The following LRRC4C variants were observed in gnomAD, a reference collection of about 807,000 sequenced individuals.
LRRC4C encodes the protein leucine rich repeat containing 4C.
A neutral mutation model predicts 33.6 loss-of-function variants in LRRC4C; 5 were observed. That is an observed-to-expected ratio of 0.15 (90% CI 0.08 to 0.31). The LOEUF is 0.31. Ranked by LOEUF, LRRC4C falls within the 10% of genes least tolerant of loss-of-function variation. LRRC4C has a pLI of 1.00. For missense variants in LRRC4C, 560 were observed against 796.7 expected, an observed-to-expected ratio of 0.70 and a Z score of 3.58; for synonymous variants, 329 against 302.0, an observed-to-expected ratio of 1.09 and a Z score of -0.93.
At chr11:41,083,927 G>A (rs1005021534) in intron 1 of LRRC4C, among the ~76,000 whole-genome samples, 1 of 152,208 alleles carries the variant, frequency 6.6e-6, no homozygotes, top group Non-Finnish European at 1.5e-5. Context: ...GATGTCACAT[G>A]CTTTTGATAT....
At chr11:41,270,793 A>G (rs190262295) in intron 1 of LRRC4C, among the ~76,000 whole-genome samples, 4 of 152,250 alleles carry the variant, frequency 2.6e-5, no homozygotes, top group East Asian at 1.9e-4. Context: ...TATCAAAAAC[A>G]TCAGAAATGT....
At chr11:40,622,495 G>T (rs1221614676) in intron 3 of LRRC4C, among the ~76,000 whole-genome samples, 1 of 151,856 alleles carries the variant, frequency 6.6e-6, no homozygotes, top group Non-Finnish European at 1.5e-5. Flanking sequence ...AAGAAGACTG[G>T]TTGAGAAAGA....
At chr11:40,731,532 AC>A (rs1947584619) in intron 2 of LRRC4C, among the ~76,000 whole-genome samples, 2 of 152,116 alleles carry the variant, frequency 1.3e-5, no homozygotes, top group Non-Finnish European at 2.9e-5. Flanking sequence ...TTTATAAATT[AC>A]CCAGTCTCAG....
At chr11:40,332,496 C>A (rs1440613469) in intron 3 of LRRC4C, among the ~76,000 whole-genome samples, 1 of 152,178 alleles carries the variant, frequency 6.6e-6, no homozygotes, top group Non-Finnish European at 1.5e-5. Context: ...GGTAACATAA[C>A]TACCAGGGCT....
At chr11:41,097,741 G>A (rs1940903674) in intron 1 of LRRC4C, among the ~76,000 whole-genome samples, 1 of 152,012 alleles carries the variant, frequency 6.6e-6, no homozygotes, top group African/African-American at 2.4e-5. Context: ...TCTTGAGGAT[G>A]GTAACAAAGT....
chr11:41,246,201 G>A (rs1018525060), intron 1 of LRRC4C, among the ~76,000 whole-genome samples: 8 of 152,210 alleles, frequency 5.3e-5, no homozygotes, highest in East Asian at 1.9e-4. Context: ...TTGCCAAGCC[G>A]CCCTTATCCC....
rs1345594993 is a variant in LRRC4C, at chr11:41,291,075, C to G, written c.-496+168356G>C. ...AAAATTAAAATAAATTTTCCTCTATCAAAACATGTGCATGTGCAAGAGAAA... is the reference window on the plus strand; with the variant it reads ...AAAATTAAAATAAATTTTCCTCTATGAAAACATGTGCATGTGCAAGAGAAA... On this transcript the variant is annotated intron_variant, in intron 1 of 6. Coordinates refer to ENST00000528697, the MANE Select transcript of LRRC4C (RefSeq NM_001258419.2). Among the ~76,000 whole-genome samples the G allele has an allele frequency of 2.0e-5, 3 of 152,142 alleles. No homozygotes were observed. In the East Asian group the frequency reaches 5.8e-4, roughly 29 times the overall value.
intron 3 of LRRC4C, among the ~76,000 whole-genome samples, chr11:40,430,559 A>G (rs1950881362): frequency 1.3e-5 from 2 of 152,176 alleles, no homozygotes; most frequent in East Asian, 1.9e-4. Flanking sequence ...TTGTCTTCCT[A>G]AAGGAATAGA....
chr11:40,169,006 C>T (rs1859829591), intron 5 of LRRC4C, among the ~76,000 whole-genome samples: 1 of 152,066 alleles, frequency 6.6e-6, no homozygotes, highest in South Asian at 2.1e-4. Flanking sequence ...CTAATTATTG[C>T]ATAAGCAATT....
chr11:41,369,685 G>C (rs372327822), intron 1 of LRRC4C, among the ~76,000 whole-genome samples: 6 of 152,312 alleles, frequency 3.9e-5, no homozygotes, highest in Middle Eastern at 3.4e-3. Flanking sequence ...ACTGGTTGAT[G>C]ATGAGGTTGA....
At chr11:40,592,210 A>G (rs1736921480) in intron 3 of LRRC4C, among the ~76,000 whole-genome samples, 1 of 152,224 alleles carries the variant, frequency 6.6e-6, no homozygotes, top group South Asian at 2.1e-4. Context: ...GGTGCTATAA[A>G]GTACAGAGTG....
At chr11:41,265,138 A>G (rs1949106682) in intron 1 of LRRC4C, among the ~76,000 whole-genome samples, 1 of 152,192 alleles carries the variant, frequency 6.6e-6, no homozygotes, top group African/African-American at 2.4e-5. Flanking sequence ...TAAACACCTT[A>G]AAGTAGGAAT....
At chr11:40,523,973 G>C (rs560193231) in intron 3 of LRRC4C, among the ~76,000 whole-genome samples, 1 of 151,870 alleles carries the variant, frequency 6.6e-6, no homozygotes, top group African/African-American at 2.4e-5. Context: ...ATTTTTCTTC[G>C]CAAATAAAAC....
At chr11:41,163,906 C>T (rs1944597740) in intron 1 of LRRC4C, among the ~76,000 whole-genome samples, 1 of 152,146 alleles carries the variant, frequency 6.6e-6, no homozygotes, top group Non-Finnish European at 1.5e-5. Flanking sequence ...GATGCTGCAC[C>T]TGGCCACTAC....
intron 1 of LRRC4C, among the ~76,000 whole-genome samples, chr11:41,124,367 T>A (rs1013577228): frequency 2.6e-5 from 4 of 152,204 alleles, no homozygotes; most frequent in African/African-American, 9.6e-5. Context: ...CAAGTACTTT[T>A]CAGTAAAAAA....
intron 2 of LRRC4C, among the ~76,000 whole-genome samples, chr11:40,793,249 G>A (rs1950699934): frequency 6.6e-6 from 1 of 152,048 alleles, no homozygotes; most frequent in African/African-American, 2.4e-5. Context: ...TAATTTAATT[G>A]TTACTGTTTA....
intron 1 of LRRC4C, among the ~76,000 whole-genome samples, chr11:41,136,534 T>C (rs1303444378): frequency 6.6e-6 from 1 of 152,162 alleles, no homozygotes; most frequent in Non-Finnish European, 1.5e-5. Context: ...AGATGTTAAG[T>C]TGGGCATTTA....
At chr11:41,277,549 T>G (rs1379245499) in intron 1 of LRRC4C, among the ~76,000 whole-genome samples, 2 of 152,148 alleles carry the variant, frequency 1.3e-5, no homozygotes, top group African/African-American at 4.8e-5. Context: ...ATCTTTGCTT[T>G]GCTTTGATGT....
intron 2 of LRRC4C, among the ~76,000 whole-genome samples, chr11:40,711,461 T>G (rs1308674659): frequency 1.3e-5 from 2 of 152,206 alleles, no homozygotes; most frequent in Non-Finnish European, 2.9e-5. Flanking sequence ...TAAAAATGTA[T>G]AAATTGGTTA....
Sources: allele counts gnomAD v4.1 joint callset (sites outside exome capture counted in the v4.1 genomes callset), GRCh38; gene constraint gnomAD v4.1.1; transcripts MANE v1.5; gene names NCBI Gene and HGNC (gene_info 2026-07-23, HGNC 2026-07-21).